GPN3: variants seen among roughly 807,000 people sequenced by gnomAD.
GPN3 encodes GPN-loop GTPase 3.
Under a neutral mutation model 38.7 loss-of-function variants are expected in GPN3, and 31 were observed. The ratio of observed to expected loss-of-function variants is 0.80; its 90% CI spans 0.60 to 1.08. The LOEUF (loss-of-function observed/expected upper bound fraction) is 1.08. GPN3 is among the 50% of genes least tolerant of loss of function. The pLI is 0.00. For synonymous variants in GPN3, 116 were observed against 120.2 expected, an observed-to-expected ratio of 0.96 and a Z score of 0.23; for missense variants, 301 against 354.4, an observed-to-expected ratio of 0.85 and a Z score of 1.21.
Position 110,455,980 on chromosome 12 carries a change from T to G in GPN3, c.451-50A>C, listed in dbSNP as rs1239638371. 9 of 944,538 alleles carry G rather than the reference T, an allele frequency of 9.5e-6. No homozygotes were observed. In the East Asian group the frequency reaches 2.2e-4, roughly 23 times the overall value. The allele number at this position is 944,538 out of a possible 1,614,324, so 58.5% of individuals were successfully genotyped here. ...AGATGAACTGACTGTTGCCAACAGT[T>G]ACCTGGTCTGCATAAAGAGTCTTCT... On this transcript the variant is annotated intron_variant, in intron 4 of 7. Transcript: ENST00000228827.
chr12:110,459,894 G>C, intron 2 of GPN3, 32 bp from the exon 3 acceptor site: 1 of 1,557,416 alleles, frequency 6.4e-7, no homozygotes, highest in Non-Finnish European at 8.8e-7. Context: ...CAGAATATAT[G>C]TGTCCCTTCA....
At chr12:110,460,508 T>C (rs2062579105) in intron 2 of GPN3, among the ~76,000 whole-genome samples, 1 of 152,196 alleles carries the variant, frequency 6.6e-6, no homozygotes, top group African/African-American at 2.4e-5. Flanking sequence ...TATCCTGGGT[T>C]AGAAGGATGA....
chr12:110,454,388 CTTTTTTTTTT>C (rs762868668), intron 6 of GPN3, among the ~76,000 whole-genome samples: 5 of 134,994 alleles, frequency 3.7e-5, no homozygotes, highest in Non-Finnish European at 8.0e-5. Flanking sequence ...CTTTTTTTTT[CTTTTTTTTTT>C]TTTTTGGGGA....
At chr12:110,455,273 C>T (rs954043376) in intron 6 of GPN3, among the ~76,000 whole-genome samples, 1 of 151,618 alleles carries the variant, frequency 6.6e-6, no homozygotes. Context: ...CAGGCGCACA[C>T]CACCATGCCC....
intron 1 of GPN3, among the ~76,000 whole-genome samples, chr12:110,466,122 TG>T (rs1333114177): frequency 1.8e-4 from 28 of 151,990 alleles, no homozygotes. Flanking sequence ...TGTCATACTC[TG>T]TTTAAAGGCA....
Position 110,458,863 on chromosome 12 carries a change from AC to A in GPN3, c.325+831del, listed in dbSNP as rs1409128021. On this transcript the variant is annotated intron_variant, in intron 3 of 7. Transcript: ENST00000228827. This position sits in a 1 kb window ranked among gnomAD's most constrained non-coding sequence, Gnocchi z 4.4. ...CTATTATCTGTCTCCTACCAGTCAC[AC>A]CTCATGACAATTGCCTCTTTGTTTA... 6.6e-6 allele frequency among the ~76,000 whole-genome samples: 1 copy of A among 151,388 alleles called. No individual in the cohort carries two copies. The highest frequency in any genetic ancestry group is 1.5e-5 in the Non-Finnish European group (1 of 67,962).
chr12:110,457,130 T>A (rs868151850), intron 4 of GPN3, among the ~76,000 whole-genome samples: 1 of 151,964 alleles, frequency 6.6e-6, no homozygotes, highest in African/African-American at 2.4e-5. Context: ...TTGTGAAATG[T>A]TCAGAATCAC....
chr12:110,462,527 C>T (rs747473886), intron 2 of GPN3, among the ~76,000 whole-genome samples: 2 of 152,188 alleles, frequency 1.3e-5, no homozygotes, highest in Non-Finnish European at 2.9e-5. Context: ...ACATCTCCAC[C>T]GTGACCACCC....
chr12:110,465,946 G>A (rs536719966), intron 1 of GPN3, among the ~76,000 whole-genome samples: 6 of 151,996 alleles, frequency 3.9e-5, no homozygotes, highest in Non-Finnish European at 7.4e-5. Context: ...GCGTGGTGGC[G>A]TATGCCTGTA....
At chr12:110,465,690 G>A (rs1009602710) in intron 1 of GPN3, among the ~76,000 whole-genome samples, 9 of 152,114 alleles carry the variant, frequency 5.9e-5, no homozygotes, top group Non-Finnish European at 1.0e-4. Flanking sequence ...ATGAAAGAAC[G>A]CCAAGATCAA....
At chr12:110,464,327 C>T (rs1565845573) in intron 2 of GPN3, among the ~76,000 whole-genome samples, 1 of 152,110 alleles carries the variant, frequency 6.6e-6, no homozygotes, top group Non-Finnish European at 1.5e-5. Context: ...CATTCTGTAA[C>T]ATGTTCATCA....
upstream of GPN3, chr12:110,468,451 A>G: frequency 6.5e-7 from 1 of 1,535,850 alleles, no homozygotes; most frequent in Non-Finnish European, 8.7e-7. Flanking sequence ...GGCCGTTGGG[A>G]TGCTGTCTAA....
intron 6 of GPN3, among the ~76,000 whole-genome samples, chr12:110,454,513 C>T (rs1453254224): frequency 4.0e-5 from 6 of 151,310 alleles, no homozygotes; most frequent in African/African-American, 1.5e-4. Flanking sequence ...CTACCATGCC[C>T]GGCTAATTTT....
At chr12:110,457,485 A>AAAG in intron 4 of GPN3, 25 bp downstream of exon 4, 1 of 1,234,210 alleles carries the variant, frequency 8.1e-7, no homozygotes, top group East Asian at 2.9e-5. Context: ...AAAAAAAAAA[A>AAAG]TCTGTAAGAG....
At chr12:110,455,286 C>A (rs2062541950) in intron 6 of GPN3, among the ~76,000 whole-genome samples, 2 of 151,524 alleles carry the variant, frequency 1.3e-5, no homozygotes, top group Non-Finnish European at 2.9e-5. Context: ...CCATGCCCAG[C>A]TAATTTTTTT....
chr12:110,455,248 C>T (rs377059189), intron 6 of GPN3, among the ~76,000 whole-genome samples: 3 of 151,924 alleles, frequency 2.0e-5, no homozygotes, highest in East Asian at 3.9e-4. Flanking sequence ...CTCAGGCTCC[C>T]GAGTACTAGG....
intron 2 of GPN3, among the ~76,000 whole-genome samples, chr12:110,463,640 A>G (rs1360890384): frequency 8.8e-5 from 12 of 136,910 alleles, no homozygotes; most frequent in African/African-American, 3.3e-4. Context: ...AAAAAAAAAA[A>G]GTATAAAAAT....
At chr12:110,468,444 C>G, upstream of GPN3, 2 of 1,535,128 alleles carry the variant, frequency 1.3e-6, no homozygotes, top group Non-Finnish European at 1.7e-6. Flanking sequence ...GGAAATCGGC[C>G]GTTGGGATGC....
intron 6 of GPN3, among the ~76,000 whole-genome samples, chr12:110,455,238 C>T (rs2062541613): frequency 6.6e-6 from 1 of 151,980 alleles, no homozygotes; most frequent in Non-Finnish European, 1.5e-5. Flanking sequence ...ATTCTCCTGT[C>T]TCAGGCTCCC....
Sources: allele counts gnomAD v4.1 joint callset (sites outside exome capture counted in the v4.1 genomes callset), GRCh38; gene constraint gnomAD v4.1.1; non-coding constraint Gnocchi (gnomAD v3.1); transcripts MANE v1.5; gene names NCBI Gene and HGNC (gene_info 2026-07-23, HGNC 2026-07-21).